ZNF532: variants seen among roughly 807,000 people sequenced by gnomAD.
The protein encoded by ZNF532 is zinc finger protein 532.
A neutral mutation model predicts 89.3 loss-of-function variants in ZNF532; 22 were observed. The ratio of observed to expected loss-of-function variants is 0.25; its 90% CI spans 0.18 to 0.35. The LOEUF is 0.35. Ranked by LOEUF, ZNF532 falls within the 10% of genes least tolerant of loss-of-function variation. The probability of loss-of-function intolerance (pLI) is 1.00; values close to 1 mark genes in which losing one functional copy is unlikely to be tolerated. For missense variants in ZNF532, 1,132 were observed against 1,643.4 expected, an observed-to-expected ratio of 0.69 and a Z score of 5.38; for synonymous variants, 606 against 649.6, an observed-to-expected ratio of 0.93 and a Z score of 1.02.
At chr18:58,948,272 C>T in intron 6 of ZNF532, 43 bp downstream of exon 6, 2 of 1,547,448 alleles carry the variant, frequency 1.3e-6, no homozygotes, top group East Asian at 2.3e-5. Context: ...ATTGCAGATC[C>T]ATTCATTGGT....
rs763314246 is a variant in ZNF532 at position 58,919,568 on chromosome 18, G to A, written c.1281G>A (p.Ala427=). ...CCCCCAGGGCGCCTCTCCAGTCTGC[G>A]GTCGTGACCAATGCAGTTTCCCCTG... ...SSPPRAPLQS[A]VVTNAVSPAE... The change falls in exon 3 of 10, where the codon GCG becomes GCA. Residue 427 remains alanine (A), a synonymous_variant. Coordinates refer to ENST00000591808, the MANE Select transcript of ZNF532 (RefSeq NM_001375912.1). The surrounding 1 kb of genome is among the most constrained non-coding windows in gnomAD (Gnocchi z 6.1). 6.8e-6 allele frequency: 11 copies of A among 1,614,000 alleles called. No individual in the cohort carries two copies. The highest frequency in any genetic ancestry group is 4.0e-5 in the African/African-American group (3 of 74,902).
At chr18:58,904,319 G>A (rs952787378) in intron 2 of ZNF532, among the ~76,000 whole-genome samples, 5 of 151,272 alleles carry the variant, frequency 3.3e-5, no homozygotes, top group Non-Finnish European at 7.4e-5. Context: ...GCCACTGCAT[G>A]CCAGCCTAGG....
chr18:58,907,884 T>TC, intron 2 of ZNF532, among the ~76,000 whole-genome samples: 1 of 152,296 alleles, frequency 6.6e-6, no homozygotes, highest in East Asian at 1.9e-4. Context: ...TTACCTTCTT[T>TC]CCTTCTTTTG....
chr18:58,925,252 G>GT (rs1280735941), intron 3 of ZNF532, among the ~76,000 whole-genome samples: 1 of 152,148 alleles, frequency 6.6e-6, no homozygotes, highest in East Asian at 1.9e-4. Context: ...GAGGGATCCA[G>GT]TTTCTCTGCA....
chr18:58,899,826 CT>C (rs1198747845), intron 2 of ZNF532, among the ~76,000 whole-genome samples: 10 of 152,254 alleles, frequency 6.6e-5, no homozygotes, highest in East Asian at 3.9e-4. Flanking sequence ...ATTTTCATAC[CT>C]TTTCTCTTCT....
At chr18:58,869,275 G>A (rs562244607) in intron 2 of ZNF532, among the ~76,000 whole-genome samples, 2 of 152,288 alleles carry the variant, frequency 1.3e-5, no homozygotes, top group East Asian at 1.9e-4. Context: ...AAGACTCGCC[G>A]AGAAAGAGAT....
intron 4 of ZNF532, among the ~76,000 whole-genome samples, chr18:58,936,883 T>C (rs2062522524): frequency 6.6e-6 from 1 of 152,216 alleles, no homozygotes; most frequent in Non-Finnish European, 1.5e-5. Context: ...TCATTTTCAA[T>C]GTGTCTTTTC....
chr18:58,873,508 G>T (rs1337127589), intron 2 of ZNF532, among the ~76,000 whole-genome samples: 3 of 152,022 alleles, frequency 2.0e-5, no homozygotes, highest in African/African-American at 7.2e-5. Context: ...GAGTGCAATG[G>T]CGCAATCTTG....
intron 2 of ZNF532, among the ~76,000 whole-genome samples, chr18:58,899,260 A>C (rs1295406095): frequency 6.6e-6 from 1 of 152,178 alleles, no homozygotes; most frequent in African/African-American, 2.4e-5. Flanking sequence ...AAAATACAAG[A>C]TGCTCAGATA....
At chr18:58,873,355 A>G (rs2057156134) in intron 2 of ZNF532, among the ~76,000 whole-genome samples, 1 of 152,068 alleles carries the variant, frequency 6.6e-6, no homozygotes, top group Admixed American at 6.5e-5. Context: ...CCTCCTATTT[A>G]TAATCTTTAT....
At chr18:58,925,818 C>G (rs1453805530) in intron 3 of ZNF532, among the ~76,000 whole-genome samples, 5 of 152,028 alleles carry the variant, frequency 3.3e-5, no homozygotes, top group African/African-American at 1.2e-4. Context: ...TCATTTTTTC[C>G]CCCAATACTT....
chr18:58,972,978 G>A (rs2066628480), intron 7 of ZNF532, among the ~76,000 whole-genome samples: 1 of 152,120 alleles, frequency 6.6e-6, no homozygotes, highest in African/African-American at 2.4e-5. Flanking sequence ...GAGCTTATGG[G>A]GGAGGGAAAA....
chr18:58,954,003 C>T (rs1339273812), intron 7 of ZNF532: 20 of 985,264 alleles, frequency 2.0e-5, no homozygotes, highest in Non-Finnish European at 2.4e-5. Context: ...CTGGTCATTG[C>T]CTTCACATGC....
chr18:58,943,335 T>C (rs2063373092), intron 5 of ZNF532, among the ~76,000 whole-genome samples: 3 of 151,810 alleles, frequency 2.0e-5, no homozygotes, highest in African/African-American at 7.3e-5. Context: ...AATTTTTTTG[T>C]ATTTTTAGTA....
At chr18:58,963,887 A>G (rs998812098) in intron 7 of ZNF532, among the ~76,000 whole-genome samples, 2 of 151,898 alleles carry the variant, frequency 1.3e-5, no homozygotes, top group African/African-American at 2.4e-5. Flanking sequence ...AGCCATGTGT[A>G]TGAAATGTGT....
At chr18:58,972,523 A>C (rs1489294222) in intron 7 of ZNF532, among the ~76,000 whole-genome samples, 2 of 152,190 alleles carry the variant, frequency 1.3e-5, no homozygotes, top group African/African-American at 4.8e-5. Flanking sequence ...TCATTTTGAA[A>C]ATGGAAGCTG....
At chr18:58,947,072 G>C (rs1399501211) in intron 5 of ZNF532, among the ~76,000 whole-genome samples, 1 of 152,080 alleles carries the variant, frequency 6.6e-6, no homozygotes, top group Non-Finnish European at 1.5e-5. Flanking sequence ...GCTTTTCTCT[G>C]ACCTTTTCCT....
rs147297294 is a variant in ZNF532, at chr18:58,984,013, G to C, written c.3453G>C (p.Glu1151Asp). ...PKRKLEEPVL[E>D]FRPPRGAITQ... Reference sequence around the variant, plus strand: ...GGAAGTTGGAAGAACCAGTTCTGGAGTTCAGGCCTCCCCGAGGAGCAATCA... The same window carrying C: ...GGAAGTTGGAAGAACCAGTTCTGGACTTCAGGCCTCCCCGAGGAGCAATCA... The change falls in exon 10 of 10, where the codon GAG (glutamate) becomes GAC (aspartate). Residue 1151 changes from glutamate (E) to aspartate (D), a missense_variant. By Grantham distance (45) the Glu-to-Asp change is conservative. This residue lies in a region of ZNF532 where 415 missense variants were observed against 604.8 expected (regional missense o/e 0.69). Transcript: ENST00000591808. 23 of 1,611,766 alleles carry C rather than the reference G, an allele frequency of 1.4e-5. No individual in the cohort carries two copies. The African/African-American group carries it at 2.9e-4, about 21-fold the overall frequency.
intron 7 of ZNF532, among the ~76,000 whole-genome samples, chr18:58,960,166 T>C (rs1568426619): frequency 1.3e-5 from 2 of 152,336 alleles, no homozygotes; most frequent in East Asian, 3.9e-4. Flanking sequence ...CTTGAACTCC[T>C]GACCTCAAGT....
Sources: gnomAD v4.1 joint callset for allele counts (sites outside exome capture counted in the v4.1 genomes callset) on GRCh38, gnomAD v4.1.1 for gene constraint, gnomAD v4.1.1 regional missense constraint, Gnocchi (gnomAD v3.1) non-coding constraint, MANE v1.5 for transcripts, NCBI Gene and HGNC (gene_info 2026-07-23, HGNC 2026-07-21) for gene names.